Variants in ANKRD36C observed in about 807,000 individuals in gnomAD.
ANKRD36C encodes the protein ankyrin repeat domain 36C.
Under a neutral mutation model 276.4 loss-of-function variants are expected in ANKRD36C, and 61 were observed. The ratio of observed to expected loss-of-function variants is 0.22; its 90% confidence interval spans 0.18 to 0.27. The LOEUF is 0.27. Among genes scored for constraint, ANKRD36C ranks in the 10% least tolerant of loss-of-function variants. The pLI, the probability that ANKRD36C is intolerant of heterozygous loss-of-function variation, is 1.00. For missense variants in ANKRD36C, 1,447 were observed against 2,032.3 expected (o/e 0.71, Z 5.54); for synonymous variants, 483 against 680.1 (o/e 0.71, Z 4.51).
intron 26 of ANKRD36C, 103 bp from the exon 27 acceptor site, chr2:95,927,512 T>C: frequency 6.5e-7 from 1 of 1,534,230 alleles, no homozygotes; most frequent in Non-Finnish European, 8.8e-7. Context: ...CTGCCTGTAC[T>C]AGTGTAGGCT....
intron 24 of ANKRD36C, among the ~76,000 whole-genome samples, chr2:95,933,734 T>A (rs1375479874): frequency 6.6e-6 from 1 of 152,278 alleles, no homozygotes; most frequent in Non-Finnish European, 1.5e-5. Flanking sequence ...CAATTTGACT[T>A]CCTTTCTTCC....
chr2:95,890,702 G>C (rs991353804), intron 46 of ANKRD36C, among the ~76,000 whole-genome samples: 3 of 151,504 alleles, frequency 2.0e-5, no homozygotes, highest in African/African-American at 7.3e-5. Context: ...TATCAACTTT[G>C]ACATAATTCT....
At chr2:95,861,638 A>G (rs78888511) in intron 60 of ANKRD36C, among the ~76,000 whole-genome samples, 1 of 152,050 alleles carries the variant, frequency 6.6e-6, no homozygotes, top group Non-Finnish European at 1.5e-5. Flanking sequence ...AAATTGAATC[A>G]TAAAAAACAG....
intron 42 of ANKRD36C, among the ~76,000 whole-genome samples, chr2:95,902,222 A>G (rs930148515): frequency 1.3e-5 from 2 of 149,476 alleles, no homozygotes; most frequent in Non-Finnish European, 3.0e-5. Flanking sequence ...CCTCCTAGTA[A>G]CCAAGAGGAG....
chr2:95,890,433 A>G (rs1676314583), intron 46 of ANKRD36C, among the ~76,000 whole-genome samples: 1 of 151,502 alleles, frequency 6.6e-6, no homozygotes, highest in Non-Finnish European at 1.5e-5. Flanking sequence ...TAATTTGCCC[A>G]ATAACTGAGA....
Position 95,910,579 on chromosome 2 carries a change from A to C in ANKRD36C, c.2653+1665T>G, listed in dbSNP as rs764754238. 6.2e-7 allele frequency: 1 copy of C among 1,605,518 alleles called. No individual in the cohort carries two copies. The highest frequency in any genetic ancestry group is 1.3e-5 in the African/African-American group (1 of 74,532). On this transcript the variant is annotated intron_variant, in intron 42 of 66. Coordinates refer to ENST00000456556, the Ensembl canonical transcript of ANKRD36C. ...GTTTCTGAGAAGACACTGAAAAGCAAAAGGGATTCATAATCACTCATATGT... is the reference window on the plus strand; with the variant it reads ...GTTTCTGAGAAGACACTGAAAAGCACAAGGGATTCATAATCACTCATATGT...
At chr2:95,948,717 G>A (rs1678121828) in intron 16 of ANKRD36C, 121 bp from the exon 17 acceptor site, 5 of 821,212 alleles carry the variant, frequency 6.1e-6, no homozygotes, top group Non-Finnish European at 9.3e-6. Flanking sequence ...TCTGAGGAAG[G>A]TCAGTTATCC....
At chr2:95,972,874 T>C (rs577889291) in intron 6 of ANKRD36C, among the ~76,000 whole-genome samples, 3 of 152,126 alleles carry the variant, frequency 2.0e-5, no homozygotes, top group East Asian at 3.9e-4. Flanking sequence ...ATATATCCCA[T>C]AGTATGAAAG....
intron 13 of ANKRD36C, among the ~76,000 whole-genome samples, chr2:95,955,637 CCTT>C (rs1487713263): frequency 6.6e-6 from 1 of 152,266 alleles, no homozygotes; most frequent in Non-Finnish European, 1.5e-5. Context: ...TAGAGCCACT[CCTT>C]CTTTCTAAAA....
chr2:95,856,155 T>A (rs1240387361), exon 63 of ANKRD36C: 1 of 1,603,794 alleles, frequency 6.2e-7, no homozygotes, highest in East Asian at 2.2e-5. Flanking sequence ...ATGCAGCAGG[T>A]CTTCTTTTTC....
rs779894865 is a variant in ANKRD36C at position 95,923,493 on chromosome 2, A to T, written c.2143+2T>A. 6.2e-7 allele frequency: 1 copy of T among 1,610,668 alleles called. No individual in the cohort carries two copies. Among genetic ancestry groups the T allele is most frequent in the Non-Finnish European group, 8.5e-7 (1 of 1,177,916 alleles). The stretch of plus-strand genomic sequence containing the variant: ...GACATTTAATGTGTTTTGCAAAATT[A>T]CCTGTCCCACATTGTAGTCCATCCT... On this transcript the variant is annotated splice_donor_variant, in intron 32 of 66. Transcript: ENST00000456556. LOFTEE classifies it high-confidence loss of function.
In ANKRD36C at chr2:95,919,771, A is replaced by G. The variant is rs569325842; in HGVS notation, c.2246-1729T>C. 8 of 1,393,528 alleles carry G rather than the reference A, an allele frequency of 5.7e-6. 2 individuals are homozygous for G. In the East Asian group the frequency reaches 1.8e-4, roughly 32 times the overall value. 86.3% of individuals were successfully genotyped at this position (1,393,528 alleles called of 1,614,324 possible). A position where few individuals can be genotyped will look rare whatever the true frequency, so the allele number is the denominator to read the frequency against. The stretch of plus-strand genomic sequence containing the variant: ...TTCTCCATCCTTTATTTCTGTGGCT[A>G]TATTCAAAACAGAATCTTCCTCGTC... On this transcript the variant is annotated intron_variant, in intron 34 of 66. Coordinates refer to ENST00000456556, the Ensembl canonical transcript of ANKRD36C.
In ANKRD36C at chr2:95,859,065, CCTA is replaced by C. The variant is rs1471409570; in HGVS notation, c.3896+793_3896+795del. Among the ~76,000 whole-genome samples, 9 of 151,028 alleles carry C rather than the reference CCTA, an allele frequency of 6.0e-5. No homozygotes were observed. The East Asian group carries it at 1.7e-3, about 29-fold the overall frequency. On this transcript the variant is annotated intron_variant, in intron 61 of 66. Coordinates refer to ENST00000456556, the Ensembl canonical transcript of ANKRD36C. The stretch of plus-strand genomic sequence containing the variant: ...TTTTTTTTTTTTTGAGAGGGAGTCT[CCTA>C]CTATCACTGGGCTGGAGTGCACTGG...
intron 13 of ANKRD36C, among the ~76,000 whole-genome samples, chr2:95,955,713 G>C (rs567534939): frequency 1.1e-3 from 163 of 152,210 alleles, no homozygotes; most frequent in African/African-American, 3.8e-3. Context: ...AGAAACCTGA[G>C]TGCAATTCTC....
At chr2:95,912,864 C>T (rs918250327) in intron 40 of ANKRD36C, among the ~76,000 whole-genome samples, 1 of 151,396 alleles carries the variant, frequency 6.6e-6, no homozygotes, top group African/African-American at 2.4e-5. Context: ...TCATCATGCT[C>T]TTTAACTTGA....
downstream of ANKRD36C, among the ~76,000 whole-genome samples, chr2:95,849,834 A>G (rs1386301063): frequency 6.6e-6 from 1 of 152,204 alleles, no homozygotes; most frequent in Non-Finnish European, 1.5e-5. Flanking sequence ...AGCTCAGGTG[A>G]TAATGTGAGC....
exon 38 of ANKRD36C, chr2:95,916,006 T>C (rs754779799): frequency 1.9e-6 from 3 of 1,558,592 alleles, no homozygotes; most frequent in Non-Finnish European, 2.6e-6. Context: ...TCCATCCTTT[T>C]TTTCTCTGGT....
At chr2:95,854,010 A>G (rs1675353926) in intron 63 of ANKRD36C, 149 bp from the exon 84 acceptor site, 1 of 592,180 alleles carries the variant, frequency 1.7e-6, no homozygotes, top group Non-Finnish European at 2.9e-6. Flanking sequence ...ATTCCCGTGT[A>G]TTACTGAATC....
chr2:95,948,666 T>C, intron 16 of ANKRD36C, 70 bp from the exon 17 acceptor site: 1 of 1,430,360 alleles, frequency 7.0e-7, no homozygotes, highest in Admixed American at 2.1e-5. Context: ...ACCGTCAGTC[T>C]ATACATGCAG....
Sources: allele counts gnomAD v4.1 joint callset (sites outside exome capture counted in the v4.1 genomes callset), GRCh38; gene constraint gnomAD v4.1.1; transcripts MANE v1.5; gene names NCBI Gene and HGNC (gene_info 2026-07-23, HGNC 2026-07-21).